KIF13A: variants seen among roughly 807,000 people sequenced by gnomAD.
KIF13A encodes kinesin family member 13A, also known as kinesin-like protein KIF13A.
Under a neutral mutation model 212.2 loss-of-function variants are expected in KIF13A, and 79 were observed. The ratio of observed to expected loss-of-function variants is 0.37; its 90% CI spans 0.31 to 0.45. The LOEUF (loss-of-function observed/expected upper bound fraction) is 0.45, where lower values mean the gene tolerates loss of function less well. Among genes scored for constraint, KIF13A ranks in the 20% least tolerant of loss-of-function variants. The probability of loss-of-function intolerance (pLI) is 1.00; values close to 1 mark genes in which losing one functional copy is unlikely to be tolerated. For synonymous variants in KIF13A, 789 were observed against 808.6 expected (o/e 0.98, Z 0.41); for missense variants, 1,901 against 2,209.0 (o/e 0.86, Z 2.79).
Position 17,859,910 on chromosome 6 carries a change from C to T in KIF13A, c.221-3788G>A, listed in dbSNP as rs144640682. On this transcript the variant is annotated intron_variant, in intron 4 of 38. Transcript: ENST00000259711. ...TTGGCCTCCCAAAGTGCTGGGATTA[C>T]ATGTTCTATATTATTGAATCCTCAC... 1.7e-3 allele frequency among the ~76,000 whole-genome samples: 251 copies of T among 151,942 alleles called. 1 individual carries two copies. Among genetic ancestry groups the T allele is most frequent in the Middle Eastern group, 0.01 (3 of 294 alleles).
chr6:17,948,685 C>G (rs567019467), intron 2 of KIF13A, among the ~76,000 whole-genome samples: 1 of 151,142 alleles, frequency 6.6e-6, no homozygotes, highest in African/African-American at 2.4e-5. Flanking sequence ...ATCAGCCTCC[C>G]GAGTAACTGG....
At position 17,772,990 on chromosome 6, in the gene KIF13A, G is replaced by A. The variant is rs1417876515; in HGVS notation, c.4324+488C>T. On this transcript the variant is annotated intron_variant, in intron 36 of 38. Transcript: ENST00000259711. The surrounding 1 kb of genome is among the most constrained non-coding windows in gnomAD (Gnocchi z 4.8). ...ATAAGGTAACAGAACCGATATATAT[G>A]GCCAAAGAATACTGTTCCCATTAAG... 1.3e-5 allele frequency among the ~76,000 whole-genome samples: 2 copies of A among 152,060 alleles called. No individual in the cohort carries two copies. The highest frequency in any genetic ancestry group is 2.9e-5 in the Non-Finnish European group (2 of 68,006).
intron 17 of KIF13A, among the ~76,000 whole-genome samples, chr6:17,812,812 CCTTTT>C (rs1159875883): frequency 6.6e-6 from 1 of 152,132 alleles, no homozygotes; most frequent in African/African-American, 2.4e-5. Flanking sequence ...ATAAGGGTTC[CCTTTT>C]CTTCGCAACT....
Position 17,899,124 on chromosome 6 carries a change from G to C in KIF13A, c.147-944C>G, listed in dbSNP as rs549532141. ...ATTACAGGTGTGAACCACTGCATTT[G>C]GCTAGGAAACAGTTTTCAAGGCAAT... is the stretch of plus-strand genomic sequence containing the variant. On this transcript the variant is annotated intron_variant, in intron 2 of 38. Transcript: ENST00000259711. This position sits in a 1 kb window ranked among gnomAD's most constrained non-coding sequence, Gnocchi z 5.2. 6.6e-6 allele frequency among the ~76,000 whole-genome samples: 1 copy of C among 152,252 alleles called. No individual in the cohort carries two copies. Among genetic ancestry groups the C allele is most frequent in the South Asian group, 2.1e-4 (1 of 4,826 alleles).
At chr6:17,775,574 A>ATCATC (rs1210942073) in intron 34 of KIF13A, among the ~76,000 whole-genome samples, 20 of 152,284 alleles carry the variant, frequency 1.3e-4, no homozygotes, top group African/African-American at 3.9e-4. Context: ...CAATTTTTTG[A>ATCATC]TACTGTGAAT....
intron 2 of KIF13A, among the ~76,000 whole-genome samples, chr6:17,969,350 T>C (rs1779602943): frequency 1.3e-5 from 2 of 152,226 alleles, no homozygotes; most frequent in African/African-American, 4.8e-5. Flanking sequence ...GGCTGGCCCT[T>C]TGCCATCTTA....
At chr6:17,956,741 A>AAT (rs1346546685) in intron 2 of KIF13A, among the ~76,000 whole-genome samples, 5 of 152,062 alleles carry the variant, frequency 3.3e-5, no homozygotes, top group Admixed American at 1.3e-4. Flanking sequence ...GTCAAAAAAA[A>AAT]ATCCTCATTC....
At position 17,786,536 on chromosome 6, in the gene KIF13A, G is replaced by A. The variant is rs1296713798; in HGVS notation, c.3362-895C>T. Among the ~76,000 whole-genome samples, 1 of 152,022 alleles carries A rather than the reference G, an allele frequency of 6.6e-6. No homozygotes were observed. Among genetic ancestry groups the A allele is most frequent in the Non-Finnish European group, 1.5e-5 (1 of 68,008 alleles). ...AATTGCTTGAACCTGGGAGGAGGAG[G>A]TTGCAGTGGGCCAAGATCATGCCAC... On this transcript the variant is annotated intron_variant, in intron 27 of 38. Coordinates refer to ENST00000259711, the MANE Select transcript of KIF13A (RefSeq NM_022113.6). This position sits in a 1 kb window ranked among gnomAD's most constrained non-coding sequence, Gnocchi z 5.4.
At chr6:17,804,772 C>T (rs1762786921) in intron 19 of KIF13A, among the ~76,000 whole-genome samples, 1 of 132,728 alleles carries the variant, frequency 7.5e-6, no homozygotes, top group Admixed American at 8.5e-5. Flanking sequence ...GAGATTACAC[C>T]ACTCCAGCCT....
At position 17,968,752 on chromosome 6, in the gene KIF13A, A is replaced by T. The variant is rs998086997; in HGVS notation, c.146+18302T>A. Among the ~76,000 whole-genome samples, 1 of 152,168 alleles carries T rather than the reference A, an allele frequency of 6.6e-6. No individual in the cohort carries two copies. The highest frequency in any genetic ancestry group is 2.4e-5 in the African/African-American group (1 of 41,426). On this transcript the variant is annotated intron_variant, in intron 2 of 38. Transcript: ENST00000259711. This position sits in a 1 kb window ranked among gnomAD's most constrained non-coding sequence, Gnocchi z 4.7. ...AGCAGCCAAAGCTGTAAGGGTCCAGAGCTACATTTGTACTGCCATTACCCC... is the reference window on the plus strand; with the variant it reads ...AGCAGCCAAAGCTGTAAGGGTCCAGTGCTACATTTGTACTGCCATTACCCC...
chr6:17,985,637 GGGT>G lies in KIF13A; in HGVS notation c.146+1414_146+1416del, dbSNP rs1284667380. 2.0e-3 allele frequency among the ~76,000 whole-genome samples: 205 copies of G among 104,496 alleles called. 2 individuals carry two copies. Among genetic ancestry groups the G allele is most frequent in the African/African-American group, 6.8e-3 (169 of 24,780 alleles). 68.6% of individuals were successfully genotyped at this position (104,496 alleles called of 152,430 possible). On this transcript the variant is annotated intron_variant, in intron 2 of 38. Coordinates refer to ENST00000259711, the MANE Select transcript of KIF13A (RefSeq NM_022113.6). ...CCGAAACAATATGCAGTTTGCGGGGGGGTGGGGGGAGGGGACATTCGTTGGTGA... is the reference window on the plus strand; with the variant it reads ...CCGAAACAATATGCAGTTTGCGGGGGGGGGGGAGGGGACATTCGTTGGTGA...
chr6:17,928,567 T>C (rs1250592175), intron 2 of KIF13A, among the ~76,000 whole-genome samples: 1 of 152,186 alleles, frequency 6.6e-6, no homozygotes, highest in African/African-American at 2.4e-5. Context: ...TTCACTTTAT[T>C]CTGCTGTATC....
Position 17,809,775 on chromosome 6 carries a change from A to T in KIF13A, c.2001-845T>A, listed in dbSNP as rs1763276409. Among the ~76,000 whole-genome samples the T allele has an allele frequency of 6.6e-6, 1 of 152,184 alleles. No homozygotes were observed. The highest frequency in any genetic ancestry group is 1.5e-5 in the Non-Finnish European group (1 of 68,036). ...TAGCAATTGCTCTGTGTCATATATA[A>T]CTTCTCTTTTCCACCATTTATACGC... On this transcript the variant is annotated intron_variant, in intron 17 of 38. Coordinates refer to ENST00000259711, the MANE Select transcript of KIF13A (RefSeq NM_022113.6). This position sits in a 1 kb window ranked among gnomAD's most constrained non-coding sequence, Gnocchi z 4.7.
intron 18 of KIF13A, 111 bp downstream of exon 18, chr6:17,808,657 T>TGG (rs2150344020): frequency 1.1e-6 from 1 of 951,452 alleles, no homozygotes; most frequent in African/African-American, 1.7e-5. Context: ...TAAACATCTC[T>TGG]GGCTGATATC....
intron 2 of KIF13A, chr6:17,950,300 G>T: frequency 1.8e-6 from 1 of 560,270 alleles, no homozygotes; most frequent in Non-Finnish European, 2.3e-6. Context: ...AGAACAAGCT[G>T]ATTCAGTTCA....
intron 2 of KIF13A, among the ~76,000 whole-genome samples, chr6:17,936,851 A>T (rs77826722): frequency 1.3e-5 from 2 of 152,230 alleles, no homozygotes; most frequent in African/African-American, 2.4e-5. Context: ...TGAAAAAAAA[A>T]TGAGTAGCAA....
rs62394142 is a variant in KIF13A at position 17,892,164 on chromosome 6, T to A, written c.159+6004A>T. Among the ~76,000 whole-genome samples, 285 of 152,340 alleles carry A rather than the reference T, an allele frequency of 1.9e-3. No individual in the cohort carries two copies. Among genetic ancestry groups the A allele is most frequent in the Non-Finnish European group, 3.1e-3 (210 of 68,026 alleles). The stretch of plus-strand genomic sequence containing the variant: ...CAAACTAGCTCTTCCTTCTTTAGTT[T>A]ATGTTGATTTGATTTTTCATTCACT... On this transcript the variant is annotated intron_variant, in intron 3 of 38. Transcript: ENST00000259711. The surrounding 1 kb of genome is among the most constrained non-coding windows in gnomAD (Gnocchi z 4.7).
chr6:17,814,248 G>GC (rs1268845255), intron 17 of KIF13A, among the ~76,000 whole-genome samples: 1 of 73,784 alleles, frequency 1.4e-5, no homozygotes, highest in East Asian at 5.1e-4. Context: ...ACAGTGCCCG[G>GC]CTTTTTTTTT....
chr6:17,782,069 T>C (rs1379366288), intron 29 of KIF13A, among the ~76,000 whole-genome samples: 1 of 152,090 alleles, frequency 6.6e-6, no homozygotes, highest in Non-Finnish European at 1.5e-5. Flanking sequence ...CCCGAGCAGC[T>C]GGGACTACAG....
Sources: gnomAD v4.1 joint callset for allele counts (sites outside exome capture counted in the v4.1 genomes callset) on GRCh38, gnomAD v4.1.1 for gene constraint, Gnocchi (gnomAD v3.1) non-coding constraint, MANE v1.5 for transcripts, NCBI Gene and HGNC (gene_info 2026-07-23, HGNC 2026-07-21) for gene names.